VEGFC: variants seen among roughly 807,000 people sequenced by gnomAD.
The protein encoded by VEGFC is vascular endothelial growth factor C, also known as FLT4 ligand DHM.
VEGFC carries 12 observed loss-of-function variants against 46.1 expected under a neutral mutation model. The observed-to-expected ratio is 0.26, with a 90% CI of 0.17 to 0.42. VEGFC has a LOEUF of 0.42. VEGFC is among the 10% of genes least tolerant of loss of function. VEGFC has a pLI of 1.00. For synonymous variants in VEGFC, 232 were observed against 195.5 expected (o/e 1.19, Z -1.56); for missense variants, 488 against 529.4 (o/e 0.92, Z 0.77).
chr4:176,691,762 C>G (rs918141144), intron 4 of VEGFC, among the ~76,000 whole-genome samples: 1 of 152,082 alleles, frequency 6.6e-6, no homozygotes, highest in African/African-American at 2.4e-5. Context: ...ATATTCTAAA[C>G]GTTGGGTAAT....
chr4:176,767,387 C>T (rs1483828934), intron 1 of VEGFC, among the ~76,000 whole-genome samples: 1 of 152,226 alleles, frequency 6.6e-6, no homozygotes, highest in Non-Finnish European at 1.5e-5. Context: ...TCTCCTCACT[C>T]TCCCTCTGCC....
chr4:176,714,243 G>T (rs1487683212), intron 3 of VEGFC, among the ~76,000 whole-genome samples: 2 of 152,156 alleles, frequency 1.3e-5, no homozygotes, highest in African/African-American at 2.4e-5. Flanking sequence ...GGTAAGAAGT[G>T]AGATTTTCCT....
chr4:176,762,059 G>T (rs1735539989), intron 1 of VEGFC, among the ~76,000 whole-genome samples: 1 of 152,212 alleles, frequency 6.6e-6, no homozygotes, highest in African/African-American at 2.4e-5. Context: ...TGACTGAAGA[G>T]GCTCTGCCTG....
intron 1 of VEGFC, among the ~76,000 whole-genome samples, chr4:176,735,203 A>C (rs1735033543): frequency 6.6e-6 from 1 of 151,920 alleles, no homozygotes; most frequent in South Asian, 2.1e-4. Flanking sequence ...TAATTTCTGA[A>C]AACCAGTCTT....
chr4:176,710,500 C>T (rs1314469010), intron 4 of VEGFC, among the ~76,000 whole-genome samples: 1 of 152,144 alleles, frequency 6.6e-6, no homozygotes, highest in African/African-American at 2.4e-5. Flanking sequence ...CAAGGGGTCC[C>T]CCTATCTGCC....
chr4:176,741,519 T>C (rs923001835), intron 1 of VEGFC, among the ~76,000 whole-genome samples: 1 of 151,986 alleles, frequency 6.6e-6, no homozygotes, highest in East Asian at 1.9e-4. Context: ...TTGTATGTGA[T>C]GTCTCAGACC....
At chr4:176,695,157 C>T (rs1242318672) in intron 4 of VEGFC, among the ~76,000 whole-genome samples, 10 of 151,304 alleles carry the variant, frequency 6.6e-5, no homozygotes, top group Admixed American at 4.0e-4. Flanking sequence ...AATAGAGACA[C>T]AAAAAACCCT....
chr4:176,706,625 CAAAAAAAA>C (rs55996370), intron 4 of VEGFC, among the ~76,000 whole-genome samples: 6 of 63,448 alleles, frequency 9.5e-5, no homozygotes, highest in Admixed American at 4.7e-4. Context: ...GAATCTGTCT[CAAAAAAAA>C]AAAAAAAAAA....
At position 176,775,587 on chromosome 4, in the gene VEGFC, G is replaced by T. The variant is rs183627584; in HGVS notation, c.147+16578C>A. ...ATGAGAAGATAAGCTTATAGGCCAT[G>T]TATTGTATTTCCAGCTGTTTTAAAT... On this transcript the variant is annotated intron_variant, in intron 1 of 6. Coordinates refer to ENST00000618562, the MANE Select transcript of VEGFC (RefSeq NM_005429.5). Among the ~76,000 whole-genome samples, 950 of 151,678 alleles carry T rather than the reference G, an allele frequency of 6.3e-3. 6 individuals are homozygous for T. The highest frequency in any genetic ancestry group is 0.011 in the Non-Finnish European group (738 of 68,010).
chr4:176,747,171 G>A (rs1043329365), intron 1 of VEGFC, among the ~76,000 whole-genome samples: 2 of 152,034 alleles, frequency 1.3e-5, no homozygotes, highest in African/African-American at 2.4e-5. Context: ...TATAAGCTAT[G>A]AAAACAGAAG....
In VEGFC at chr4:176,687,308, C is replaced by T. The variant is rs1734059706; in HGVS notation, c.1024G>A (p.Val342Ile). ...REFDENTCQC[V>I]CKRTCPRNQP... ...TTTCTGGGGCAGGTTCTTTTACATA[C>T]ACACTGGCATGTGTTTTCATCAAAT... is the stretch of plus-strand genomic sequence containing the variant. The change falls in exon 6 of 7, where the codon GTA becomes ATA. Residue 342 changes from valine to isoleucine, a missense_variant. Transcript: ENST00000618562. The T allele has an allele frequency of 1.2e-6, 2 of 1,614,046 alleles. No individual in the cohort carries two copies. Among genetic ancestry groups the T allele is most frequent in the African/African-American group, 1.3e-5 (1 of 74,912 alleles).
intron 1 of VEGFC, among the ~76,000 whole-genome samples, chr4:176,735,645 T>C (rs941835378): frequency 2.6e-5 from 4 of 151,980 alleles, no homozygotes; most frequent in Middle Eastern, 3.4e-3. Context: ...AAACACAAAA[T>C]GTAAGAGGTT....
At chr4:176,694,042 C>A (rs956507023) in intron 4 of VEGFC, among the ~76,000 whole-genome samples, 5 of 151,232 alleles carry the variant, frequency 3.3e-5, no homozygotes, top group African/African-American at 1.2e-4. Context: ...AATGTAAAGA[C>A]CATCGAGACT....
chr4:176,767,519 C>T (rs1735648362), intron 1 of VEGFC, among the ~76,000 whole-genome samples: 1 of 152,190 alleles, frequency 6.6e-6, no homozygotes. Flanking sequence ...GCACTATTCG[C>T]TCACCTTGCC....
rs10026589 is a variant in VEGFC, at chr4:176,707,310, C to T, written c.704+4189G>A. Among the ~76,000 whole-genome samples the T allele has an allele frequency of 3.5e-3, 534 of 152,312 alleles. 3 individuals are homozygous for T. The highest frequency in any genetic ancestry group is 0.011 in the African/African-American group (467 of 41,570). ...TGACATAGGAGTTTTGGTTGCACCA[C>T]ATTCTAACACTTGTTTTTGTCAGTG... On this transcript the variant is annotated intron_variant, in intron 4 of 6. Transcript: ENST00000618562.
intron 1 of VEGFC, among the ~76,000 whole-genome samples, chr4:176,764,656 G>C (rs897728871): frequency 4.6e-5 from 7 of 152,140 alleles, no homozygotes; most frequent in African/African-American, 1.7e-4. Context: ...CAAGGAAAGT[G>C]GGTAGGCCAT....
intron 1 of VEGFC, among the ~76,000 whole-genome samples, chr4:176,763,282 T>C (rs539603903): frequency 6.6e-6 from 1 of 152,316 alleles, no homozygotes; most frequent in Non-Finnish European, 1.5e-5. Flanking sequence ...GCACGCCATT[T>C]CTATTAATAA....
At chr4:176,766,261 G>T (rs892595696) in intron 1 of VEGFC, among the ~76,000 whole-genome samples, 1 of 152,112 alleles carries the variant, frequency 6.6e-6, no homozygotes, top group Non-Finnish European at 1.5e-5. Context: ...TGATATTAAA[G>T]AACAAACTGT....
intron 3 of VEGFC, among the ~76,000 whole-genome samples, chr4:176,726,389 T>C (rs997733441): frequency 7.2e-6 from 1 of 138,524 alleles, no homozygotes; most frequent in African/African-American, 2.6e-5. Context: ...AAAGAAATGA[T>C]AGCAGGCCCC....
Sources: gnomAD v4.1 joint callset for allele counts (sites outside exome capture counted in the v4.1 genomes callset) on GRCh38, gnomAD v4.1.1 for gene constraint, MANE v1.5 for transcripts, NCBI Gene and HGNC (gene_info 2026-07-23, HGNC 2026-07-21) for gene names.